CACNB2: variants seen among roughly 807,000 people sequenced by gnomAD.
The protein encoded by CACNB2 is voltage-dependent L-type calcium channel subunit beta-2.
A neutral mutation model predicts 73.3 loss-of-function variants in CACNB2; 42 were observed. The ratio of observed to expected loss-of-function variants is 0.57; its 90% CI spans 0.45 to 0.74. CACNB2 has a LOEUF of 0.74. CACNB2 is among the 30% of genes least tolerant of loss of function. The pLI is 0.00. For missense variants in CACNB2, 940 were observed against 853.0 expected, an observed-to-expected ratio of 1.10 and a Z score of -1.27; for synonymous variants, 348 against 310.3, an observed-to-expected ratio of 1.12 and a Z score of -1.28.
intron 2 of CACNB2, among the ~76,000 whole-genome samples, chr10:18,166,101 G>T (rs970000573): frequency 6.6e-6 from 1 of 152,004 alleles, no homozygotes; most frequent in African/African-American, 2.4e-5. Flanking sequence ...ATGTCTTTAG[G>T]TTTACATTTA....
chr10:18,237,480 G>T (rs974973143), intron 2 of CACNB2, among the ~76,000 whole-genome samples: 1 of 152,204 alleles, frequency 6.6e-6, no homozygotes, highest in Non-Finnish European at 1.5e-5. Flanking sequence ...CAGAGGCTAA[G>T]AGAATGGTGT....
rs1048565801 is a variant in CACNB2 at position 18,541,788 on chromosome 10, G to T, written c.*2064G>T. 1 of 152,076 alleles carries T rather than the reference G, an allele frequency of 6.6e-6. No individual in the cohort carries two copies. The allele number at this position is 152,076 out of a possible 1,614,324, so 9.4% of individuals were successfully genotyped here. On this transcript the variant is annotated 3_prime_UTR_variant, in exon 14 of 14. Coordinates refer to ENST00000324631, the MANE Select transcript of CACNB2 (RefSeq NM_201596.3). Reference sequence around the variant, plus strand: ...GAGGCAGGAGAATTGCTTGAACCCAGGAGGTGGAGCCTGCAGTAAGCCAAG... The same window carrying T: ...GAGGCAGGAGAATTGCTTGAACCCATGAGGTGGAGCCTGCAGTAAGCCAAG...
In CACNB2 at chr10:18,487,557, G is replaced by A. The variant is rs574907894; in HGVS notation, c.334-10798G>A. On this transcript the variant is annotated intron_variant, in intron 3 of 13. Transcript: ENST00000324631. ...TTCTCAAGATGAGTGATTTGTGGAG[G>A]GGCGCGGTGGCTCACGCCTGTTATC... is the stretch of plus-strand genomic sequence containing the variant. 2.0e-5 allele frequency among the ~76,000 whole-genome samples: 3 copies of A among 152,246 alleles called. No individual in the cohort carries two copies. In the East Asian group the frequency reaches 5.8e-4, roughly 29 times the overall value.
rs78653094 is a variant in CACNB2, at chr10:18,475,900, C to A, written c.334-22455C>A. ...TACTAGAAAGGGATCCCAATACAGA[C>A]CCTGAGAGTGGGTTCTTGGACCTTG... On this transcript the variant is annotated intron_variant, in intron 3 of 13. Transcript: ENST00000324631. Among the ~76,000 whole-genome samples, 297 of 152,220 alleles carry A rather than the reference C, an allele frequency of 2.0e-3. 1 individual carries two copies. The highest frequency in any genetic ancestry group is 7.0e-3 in the African/African-American group (291 of 41,522).
chr10:18,242,048 G>A (rs1564370700), intron 2 of CACNB2, among the ~76,000 whole-genome samples: 1 of 151,782 alleles, frequency 6.6e-6, no homozygotes, highest in Non-Finnish European at 1.5e-5. Context: ...TAACAAAAGA[G>A]AAGGATACAT....
intron 2 of CACNB2, among the ~76,000 whole-genome samples, chr10:18,361,427 A>C (rs2042132863): frequency 6.7e-6 from 1 of 149,996 alleles, no homozygotes; most frequent in Non-Finnish European, 1.5e-5. Flanking sequence ...TGAATCCAGG[A>C]GGTGGAGGTT....
intron 2 of CACNB2, among the ~76,000 whole-genome samples, chr10:18,251,527 C>A (rs138423707): frequency 6.6e-6 from 1 of 152,184 alleles, no homozygotes; most frequent in South Asian, 2.1e-4. Flanking sequence ...AGATTACAGG[C>A]GTGGGCCACC....
chr10:18,264,764 A>G (rs555022725), intron 2 of CACNB2, among the ~76,000 whole-genome samples: 12 of 152,302 alleles, frequency 7.9e-5, no homozygotes, highest in Non-Finnish European at 1.5e-4. Flanking sequence ...TTAGTGATCC[A>G]TGCTACTGTT....
chr10:18,472,562 G>T (rs1027938101), intron 3 of CACNB2, among the ~76,000 whole-genome samples: 4 of 151,980 alleles, frequency 2.6e-5, no homozygotes, highest in African/African-American at 7.2e-5. Flanking sequence ...TACGCTTCTT[G>T]CCTACCTTGG....
intron 2 of CACNB2, among the ~76,000 whole-genome samples, chr10:18,360,298 G>T (rs1029263052): frequency 7.2e-5 from 11 of 152,176 alleles, no homozygotes; most frequent in African/African-American, 2.7e-4. Flanking sequence ...AATAATTACA[G>T]CTTACTGCAG....
At chr10:18,527,942 C>G (rs2052641211) in intron 10 of CACNB2, among the ~76,000 whole-genome samples, 1 of 152,186 alleles carries the variant, frequency 6.6e-6, no homozygotes, top group Non-Finnish European at 1.5e-5. Context: ...TTTTCACTAA[C>G]ATGAGCTTTG....
chr10:18,347,608 G>T (rs1464393456), intron 2 of CACNB2, among the ~76,000 whole-genome samples: 2 of 151,174 alleles, frequency 1.3e-5, no homozygotes, highest in African/African-American at 4.9e-5. Flanking sequence ...TCTCTCTACT[G>T]CTCTGTCTGG....
In CACNB2 at chr10:18,540,541, A is replaced by ATGTTATACCATCCTTGTAAGTAAGTTTG. The variant is rs2054015704; in HGVS notation, c.*819_*846dup. 1.3e-5 allele frequency: 2 copies of ATGTTATACCATCCTTGTAAGTAAGTTTG among 152,686 alleles called. No homozygotes were observed. Among genetic ancestry groups the ATGTTATACCATCCTTGTAAGTAAGTTTG allele is most frequent in the East Asian group, 3.9e-4 (2 of 5,174 alleles). 9.5% of individuals were successfully genotyped at this position (152,686 alleles called of 1,614,324 possible). The stretch of plus-strand genomic sequence containing the variant: ...TGACTTGAAAAGGTTTGAATTCTGA[A>ATGTTATACCATCCTTGTAAGTAAGTTTG]TGTTATACCATCCTTGTAAGTAAGT... On this transcript the variant is annotated 3_prime_UTR_variant, in exon 14 of 14. Coordinates refer to ENST00000324631, the MANE Select transcript of CACNB2 (RefSeq NM_201596.3).
At chr10:18,302,656 G>T (rs1268198315) in intron 2 of CACNB2, among the ~76,000 whole-genome samples, 1 of 152,156 alleles carries the variant, frequency 6.6e-6, no homozygotes, top group Non-Finnish European at 1.5e-5. Context: ...AAGCTATGAG[G>T]ATGCAAAGGC....
chr10:18,454,085 C>T (rs2047148905), intron 3 of CACNB2, among the ~76,000 whole-genome samples: 1 of 152,142 alleles, frequency 6.6e-6, no homozygotes, highest in East Asian at 1.9e-4. Flanking sequence ...AAGACAGTCT[C>T]TATTCTCTTG....
intron 2 of CACNB2, among the ~76,000 whole-genome samples, chr10:18,163,580 A>G (rs1000037129): frequency 6.6e-6 from 1 of 152,178 alleles, no homozygotes; most frequent in African/African-American, 2.4e-5. Context: ...GGGCCGCAAC[A>G]CTGACATCAA....
chr10:18,445,599 G>A (rs17691888), intron 3 of CACNB2, among the ~76,000 whole-genome samples: 14,777 of 93,324 alleles, frequency 0.16, 884 homozygotes, highest in Admixed American at 0.27. Context: ...AAATATGAAC[G>A]AGAGAGACCG....
At chr10:18,507,854 AG>A (rs1479034278) in intron 6 of CACNB2, among the ~76,000 whole-genome samples, 3 of 152,246 alleles carry the variant, frequency 2.0e-5, no homozygotes, top group African/African-American at 7.2e-5. Context: ...CTTTAAGGAC[AG>A]GATTTCTCTA....
intron 2 of CACNB2, among the ~76,000 whole-genome samples, chr10:18,203,446 G>A (rs532664830): frequency 3.2e-4 from 49 of 152,136 alleles, no homozygotes; most frequent in Non-Finnish European, 6.0e-4. Context: ...GTAACACACC[G>A]TGAGTGAGAG....
Sources: allele counts gnomAD v4.1 joint callset (sites outside exome capture counted in the v4.1 genomes callset), GRCh38; gene constraint gnomAD v4.1.1; transcripts MANE v1.5; gene names NCBI Gene and HGNC (gene_info 2026-07-23, HGNC 2026-07-21).